The following CUX1 variants were observed in gnomAD, a reference collection of about 807,000 sequenced individuals.
CUX1 encodes cut like homeobox 1.
A neutral mutation model predicts 158.8 loss-of-function variants in CUX1; 31 were observed. The observed-to-expected ratio is 0.20, with a 90% CI of 0.15 to 0.26. The LOEUF (loss-of-function observed/expected upper bound fraction) is 0.26, where lower values mean the gene tolerates loss of function less well. Ranked by LOEUF, CUX1 falls within the 10% of genes least tolerant of loss-of-function variation. The probability of loss-of-function intolerance (pLI) is 1.00; values close to 1 mark genes in which losing one functional copy is unlikely to be tolerated. For missense variants in CUX1, 1,589 were observed against 2,014.6 expected (o/e 0.79, Z 4.04); for synonymous variants, 879 against 862.1 (o/e 1.02, Z -0.34).
chr7:102,093,051 G>A (rs1554482824), intron 4 of CUX1, among the ~76,000 whole-genome samples: 1 of 151,886 alleles, frequency 6.6e-6, no homozygotes, highest in Non-Finnish European at 1.5e-5. Context: ...TCTGCTATGA[G>A]GCTGAGCCTT....
At chr7:101,823,058 A>G (rs1038146306) in intron 1 of CUX1, among the ~76,000 whole-genome samples, 1 of 152,176 alleles carries the variant, frequency 6.6e-6, no homozygotes, top group South Asian at 2.1e-4. Context: ...AAGATTGTCA[A>G]TTTCTTTATT....
chr7:101,879,715 G>GCC (rs1799518561), intron 1 of CUX1, among the ~76,000 whole-genome samples: 1 of 152,208 alleles, frequency 6.6e-6, no homozygotes, highest in South Asian at 2.1e-4. Context: ...GATAAAAGTG[G>GCC]CCCCCTGGGT....
At chr7:101,857,432 T>C (rs1796969960) in intron 1 of CUX1, among the ~76,000 whole-genome samples, 1 of 152,268 alleles carries the variant, frequency 6.6e-6, no homozygotes, top group South Asian at 2.1e-4. Context: ...ACTTACATAG[T>C]CTGCTTTTGG....
At chr7:102,121,466 C>G (rs1563272093) in intron 8 of CUX1, among the ~76,000 whole-genome samples, 1 of 151,880 alleles carries the variant, frequency 6.6e-6, no homozygotes, top group Non-Finnish European at 1.5e-5. Flanking sequence ...CTGCCTCAGT[C>G]TCCCAAGTAA....
intron 1 of CUX1, among the ~76,000 whole-genome samples, chr7:101,881,653 A>T (rs1799720052): frequency 6.6e-6 from 1 of 152,164 alleles, no homozygotes; most frequent in South Asian, 2.1e-4. Context: ...CCGATTTGTC[A>T]AGAACTTATC....
At chr7:102,239,287 C>A in intron 22 of CUX1, 33 bp from the exon 23 acceptor site, 1 of 1,581,580 alleles carries the variant, frequency 6.3e-7, no homozygotes, top group Non-Finnish European at 8.6e-7. Context: ...CCCAGCTGGG[C>A]CTGACCTTAG....
rs1434140340 is a variant in CUX1, at chr7:102,248,230, G to GGGGT, written c.3888-175_3888-172dup. Among the ~76,000 whole-genome samples the GGGGT allele has an allele frequency of 1.3e-5, 2 of 152,206 alleles. No homozygotes were observed. Among genetic ancestry groups the GGGGT allele is most frequent in the Non-Finnish European group, 2.9e-5 (2 of 68,032 alleles). ...GGGATGGCTCCTGGCCAGGCCCGGA[G>GGGGT]GGGTGGGTGGTGACTCTGGAGAGGG... On this transcript the variant is annotated intron_variant, in intron 23 of 23. Coordinates refer to ENST00000292535, the MANE Select transcript of CUX1 (RefSeq NM_181552.4). The surrounding 1 kb of genome is among the most constrained non-coding windows in gnomAD (Gnocchi z 5.8).
chr7:102,236,151 G>A (rs1554532718), intron 22 of CUX1, among the ~76,000 whole-genome samples: 1 of 152,214 alleles, frequency 6.6e-6, no homozygotes, highest in Non-Finnish European at 1.5e-5. Context: ...TTCATACTCA[G>A]GGCTGTCAGA....
At chr7:102,220,399 G>T (rs1554526507) in intron 20 of CUX1, among the ~76,000 whole-genome samples, 1 of 152,218 alleles carries the variant, frequency 6.6e-6, no homozygotes, top group East Asian at 1.9e-4. Context: ...GAGCATTGCT[G>T]TTCCCCTTTG....
At chr7:102,141,190 G>A (rs1459637036) in intron 8 of CUX1, among the ~76,000 whole-genome samples, 1 of 152,108 alleles carries the variant, frequency 6.6e-6, no homozygotes, top group Non-Finnish European at 1.5e-5. Context: ...AAGGTACTTA[G>A]CCTGCCGAAA....
At chr7:102,224,200 T>TTTTA (rs147120708) in intron 20 of CUX1, among the ~76,000 whole-genome samples, 14,701 of 151,644 alleles carry the variant, frequency 0.097, 1,241 homozygotes, top group African/African-American at 0.22. Flanking sequence ...GTCTTCTACA[T>TTTTA]TTTATTTATT....
At chr7:101,965,179 G>A (rs969442282) in intron 2 of CUX1, among the ~76,000 whole-genome samples, 7 of 152,180 alleles carry the variant, frequency 4.6e-5, no homozygotes, top group Non-Finnish European at 7.3e-5. Flanking sequence ...TATGAGTCGT[G>A]CCTCTTCCCT....
intron 3 of CUX1, among the ~76,000 whole-genome samples, chr7:102,051,934 G>T (rs1273174221): frequency 6.6e-6 from 1 of 152,108 alleles, no homozygotes; most frequent in African/African-American, 2.4e-5. Context: ...CATACTGGCC[G>T]GGCGCGGTGG....
At chr7:102,278,629 T>G in intron 18 of CUX1, among the ~76,000 whole-genome samples, 1 of 41,600 alleles carries the variant, frequency 2.4e-5, no homozygotes, top group Middle Eastern at 0.01. Flanking sequence ...AAAATAAAAT[T>G]AAAATAAAAT....
chr7:102,082,121 C>T (rs1403963099), intron 4 of CUX1, among the ~76,000 whole-genome samples: 3 of 147,340 alleles, frequency 2.0e-5, no homozygotes, highest in Non-Finnish European at 4.6e-5. Flanking sequence ...CCACCAGTCT[C>T]TGTCACCTCA....
chr7:101,991,526 AG>A (rs1267947681), intron 2 of CUX1, among the ~76,000 whole-genome samples: 1 of 152,150 alleles, frequency 6.6e-6, no homozygotes, highest in Non-Finnish European at 1.5e-5. Context: ...TGGGTGACCG[AG>A]GGGGGTGGAT....
At chr7:101,923,433 C>T (rs1290533705) in intron 2 of CUX1, among the ~76,000 whole-genome samples, 2 of 152,128 alleles carry the variant, frequency 1.3e-5, no homozygotes, top group Non-Finnish European at 2.9e-5. Flanking sequence ...ATCATGAAAC[C>T]ATCCCCAGCC....
At chr7:101,904,347 G>A (rs536028094) in intron 1 of CUX1, among the ~76,000 whole-genome samples, 3 of 152,076 alleles carry the variant, frequency 2.0e-5, no homozygotes, top group South Asian at 2.1e-4. Flanking sequence ...TTTTGTCTCC[G>A]CCTCTGTCCC....
At chr7:101,996,342 T>C (rs758288899) in intron 2 of CUX1, among the ~76,000 whole-genome samples, 14 of 151,264 alleles carry the variant, frequency 9.3e-5, no homozygotes, top group Admixed American at 3.9e-4. Flanking sequence ...ATCCCGTCTC[T>C]TGAGCTCAGC....
Sources: gnomAD v4.1 joint callset for allele counts (sites outside exome capture counted in the v4.1 genomes callset) on GRCh38, gnomAD v4.1.1 for gene constraint, Gnocchi (gnomAD v3.1) non-coding constraint, MANE v1.5 for transcripts, NCBI Gene and HGNC (gene_info 2026-07-23, HGNC 2026-07-21) for gene names.